Variants in NOTCH3 observed in about 807,000 individuals in gnomAD.
The protein encoded by NOTCH3 is neurogenic locus notch homolog protein 3.
A neutral mutation model predicts 213.3 loss-of-function variants in NOTCH3; 86 were observed. That is an observed-to-expected ratio of 0.40 (90% confidence interval 0.34 to 0.48). The LOEUF is 0.48. NOTCH3 is among the 20% of genes least tolerant of loss of function. The pLI, the probability that NOTCH3 is intolerant of heterozygous loss-of-function variation, is 0.57. For missense variants in NOTCH3, 2,783 were observed against 3,272.6 expected (o/e 0.85, Z 3.65); for synonymous variants, 1,354 against 1,355.9 (o/e 1.00, Z 0.03).
chr19:15,176,159 AT>A (rs34620350), intron 24 of NOTCH3, among the ~76,000 whole-genome samples: 9,858 of 120,012 alleles, frequency 0.082, 800 homozygotes, highest in African/African-American at 0.28. Flanking sequence ...AACAAAAGCA[AT>A]TTTTTTTTTT....
rs34518539 is a variant in NOTCH3, at chr19:15,184,037, CAAAAAAAAAAAAA to C, written c.2566+245_2566+257del. Among the ~76,000 whole-genome samples the C allele has an allele frequency of 2.9e-4, 8 of 27,634 alleles. No homozygotes were observed. In the East Asian group the frequency reaches 7.9e-3, roughly 27 times the overall value. 18.1% of individuals were successfully genotyped at this position (27,634 alleles called of 152,430 possible). ...CAGCGACAGAGCTAAGACTCTGTCT[CAAAAAAAAAAAAA>C]AAAAAAAAAAAAAAAGAGGCAGCAC... On this transcript the variant is annotated intron_variant, in intron 16 of 32. Transcript: ENST00000263388.
rs1284936711 is a variant in NOTCH3 at position 15,160,067 on chromosome 19, A to C, written c.*595T>G. On this transcript the variant is annotated 3_prime_UTR_variant, in exon 33 of 33. Transcript: ENST00000263388. Reference sequence around the variant, plus strand: ...CAACACTCCCCCGACCCCTGGCCCCAGTGGGTGCGCCCAAGGGTGCCTACT... The same window carrying C: ...CAACACTCCCCCGACCCCTGGCCCCCGTGGGTGCGCCCAAGGGTGCCTACT... 1 of 234,068 alleles carries C rather than the reference A, an allele frequency of 4.3e-6. No individual in the cohort carries two copies. 14.5% of individuals were successfully genotyped at this position (234,068 alleles called of 1,614,324 possible). A position where few individuals can be genotyped will look rare whatever the true frequency, so the allele number is the denominator to read the frequency against.
chr19:15,180,638 C>A (rs2145421266), intron 19 of NOTCH3, 43 bp downstream of exon 19: 1 of 1,540,536 alleles, frequency 6.5e-7, no homozygotes, highest in Non-Finnish European at 8.7e-7. Context: ...TGCATGAGCC[C>A]CTTCCCAAGG....
At chr19:15,180,575 T>A in intron 19 of NOTCH3, 106 bp downstream of exon 19, 4 of 1,331,596 alleles carry the variant, frequency 3.0e-6, no homozygotes, top group Non-Finnish European at 3.1e-6. Flanking sequence ...CACCCCATCA[T>A]GCCCCATAGG....
intron 1 of NOTCH3, among the ~76,000 whole-genome samples, 162 bp from the exon 2 acceptor site, chr19:15,197,740 C>A (rs920628502): frequency 6.5e-5 from 5 of 77,350 alleles, no homozygotes; most frequent in African/African-American, 1.3e-4. Context: ...CCACGCCCCC[C>A]CCCCCCCCGC....
At chr19:15,178,401 T>C (rs534227312) in intron 23 of NOTCH3, 4 of 430,042 alleles carry the variant, frequency 9.3e-6, no homozygotes, top group African/African-American at 8.0e-5. Flanking sequence ...TGTTTCTTTG[T>C]TTTTTGAGAC....
At chr19:15,171,889 ATTTG>A (rs1241990542) in intron 25 of NOTCH3, among the ~76,000 whole-genome samples, 1 of 150,060 alleles carries the variant, frequency 6.7e-6, no homozygotes. Context: ...AGGACATTGT[ATTTG>A]TTTGTTTGTT....
Position 15,181,151 on chromosome 19 carries a change from T to C in NOTCH3, c.2804A>G (p.Asn935Ser), listed in dbSNP as rs201147300. 167 of 1,611,230 alleles carry C rather than the reference T, an allele frequency of 1.0e-4. 2 individuals carry two copies. Among genetic ancestry groups the C allele is most frequent in the Non-Finnish European group, 5.6e-5 (66 of 1,179,310 alleles). ...CACGCCGTCCACACAGGTCCCGCCA[T>C]TGAAGCAGGAGCTGGAGCGGAAGGA... ...LPDCSPSSCF[N>S]GGTCVDGVNS... The change falls in exon 18 of 33, where the codon AAT becomes AGT. Residue 935 changes from asparagine (N) to serine (S), a missense_variant. This residue lies in a region of NOTCH3 where 861 missense variants were observed against 909.1 expected (regional missense o/e 0.95). Coordinates refer to ENST00000263388, the MANE Select transcript of NOTCH3 (RefSeq NM_000435.3).
intron 23 of NOTCH3, chr19:15,178,520 G>A: frequency 8.4e-6 from 4 of 477,008 alleles, no homozygotes; most frequent in South Asian, 8.3e-5. Flanking sequence ...GAGTAGCTGG[G>A]ATTACAGGCA....
chr19:15,191,970 G>A lies in NOTCH3; in HGVS notation c.669C>T (p.Ala223=). ...RQSGDLTYDC[A]CLPGFEGQNC... ...GTAGGGCTCACTCACCAGGAAGACA[G>A]GCACAGTCGTAAGTGAGGTCGCCAC... The change falls in exon 4 of 33, where the codon GCC becomes GCT. Residue 223 remains alanine (A), a synonymous_variant. Transcript: ENST00000263388. The A allele has an allele frequency of 1.2e-6, 2 of 1,613,482 alleles. No individual in the cohort carries two copies. The highest frequency in any genetic ancestry group is 1.7e-6 in the Non-Finnish European group (2 of 1,180,030).
intron 10 of NOTCH3, 52 bp downstream of exon 10, chr19:15,187,829 C>T (rs2046896088): frequency 2.8e-6 from 4 of 1,434,916 alleles, no homozygotes; most frequent in Non-Finnish European, 3.8e-6. Flanking sequence ...GGCCCTGTCG[C>T]CCACAAGCCC....
rs557113034 is a variant in NOTCH3 at position 15,174,076 on chromosome 19, C to G, written c.4728G>C (p.Glu1576Asp). ...EPRARRELAP[E>D]VIGSVVMLEI... is the part of the protein sequence containing the mutation. Reference sequence around the variant, plus strand: ...CAGGTGGGGTCACTCACCCGATCACCTCGGGGGCCAGCTCCCGACGGGCCC... The same window carrying G: ...CAGGTGGGGTCACTCACCCGATCACGTCGGGGGCCAGCTCCCGACGGGCCC... The change falls in exon 25 of 33, where the codon GAG (glutamate) becomes GAC (aspartate). Residue 1576 changes from glutamate to aspartate, a missense_variant. Transcript: ENST00000263388. The G allele has an allele frequency of 4.8e-5, 76 of 1,579,676 alleles. 1 individual carries two copies. In the African/African-American group the frequency reaches 5.7e-4, roughly 12 times the overall value.
chr19:15,160,826 C>T lies in NOTCH3; in HGVS notation c.6802G>A (p.Glu2268Lys), dbSNP rs996150018. ...PSPPSLSDWS[E>K]STPSPATATG... is the part of the protein sequence containing the mutation. ...GCAGTGGCTGGGCTAGGCGTGGATT[C>T]GGACCAGTCTGAGAGGGAGGGAGGT... Residue 2268 changes from glutamate (E) to lysine (K), a missense_variant, in exon 33 of 33, where the codon GAA (glutamate) becomes AAA (lysine). By Grantham distance (56) the Glu-to-Lys change is moderately conservative. Transcript: ENST00000263388. The T allele has an allele frequency of 1.9e-5, 30 of 1,613,854 alleles. No individual in the cohort carries two copies. Among genetic ancestry groups the T allele is most frequent in the African/African-American group, 5.3e-5 (4 of 74,956 alleles).
rs1385054154 is a variant in NOTCH3 at position 15,161,229 on chromosome 19, A to G, written c.6399T>C (p.Thr2133=). 1 of 1,546,680 alleles carries G rather than the reference A, an allele frequency of 6.5e-7. No individual in the cohort carries two copies. The highest frequency in any genetic ancestry group is 1.2e-5 in the South Asian group (1 of 84,328). Residue 2133 remains threonine (T), a synonymous_variant, in exon 33 of 33, where the codon ACT becomes ACC. Coordinates refer to ENST00000263388, the MANE Select transcript of NOTCH3 (RefSeq NM_000435.3). ...LEGPYAAATA[T]AVSLAQLGGP... is the part of the protein sequence containing the mutation. ...CACCAAGCTGTGCCAGAGACACTGCAGTGGCAGTGGCAGCTGCATAGGGCC... is the reference window on the plus strand; with the variant it reads ...CACCAAGCTGTGCCAGAGACACTGCGGTGGCAGTGGCAGCTGCATAGGGCC...
rs775463640 is a variant in NOTCH3 at position 15,189,018 on chromosome 19, A to C, written c.1349T>G (p.Ile450Arg). 1.1e-5 allele frequency: 17 copies of C among 1,612,148 alleles called. No individual in the cohort carries two copies. The highest frequency in any genetic ancestry group is 1.4e-5 in the Non-Finnish European group (16 of 1,179,626). Residue 450 changes from isoleucine to arginine, a missense_variant, in exon 8 of 33, where the codon ATA (isoleucine) becomes AGA (arginine). Ile to Arg is a moderately conservative substitution (Grantham distance 97, BLOSUM62 -3). Transcript: ENST00000263388. ...CRNQATCLDR[I>R]GQFTCICMAG... ...CATACAGATACAGGTGAACTGGCCT[A>C]TGCGGTCGAGGCACGTGGCCTGGTT...
intron 25 of NOTCH3, among the ~76,000 whole-genome samples, chr19:15,172,396 C>T (rs2046741827): frequency 6.6e-6 from 1 of 152,176 alleles, no homozygotes; most frequent in Non-Finnish European, 1.5e-5. Flanking sequence ...TTCCAGGTCC[C>T]TCAGACTCTG....
chr19:15,171,612 CTCAGCCTCCCAAT>C lies in NOTCH3; in HGVS notation c.4737-800_4737-788del, dbSNP rs529066661. Among the ~76,000 whole-genome samples, 296 of 152,342 alleles carry C rather than the reference CTCAGCCTCCCAAT, an allele frequency of 1.9e-3. 1 individual carries two copies. The highest frequency in any genetic ancestry group is 6.8e-3 in the African/African-American group (281 of 41,578). ...TCCGGGGCTCAAGCAATCCTCCCAC[CTCAGCCTCCCAAT>C]GTGCTGGGTTTACAGGCCTGGGCCA... On this transcript the variant is annotated intron_variant, in intron 25 of 32. Coordinates refer to ENST00000263388, the MANE Select transcript of NOTCH3 (RefSeq NM_000435.3).
At chr19:15,195,457 AC>A (rs1481044035) in intron 2 of NOTCH3, among the ~76,000 whole-genome samples, 3 of 129,530 alleles carry the variant, frequency 2.3e-5, no homozygotes, top group African/African-American at 5.8e-5. Context: ...GCCAACCCTC[AC>A]CCCCCTCTAT....
At chr19:15,172,309 A>G (rs758721527) in intron 25 of NOTCH3, among the ~76,000 whole-genome samples, 1 of 152,148 alleles carries the variant, frequency 6.6e-6, no homozygotes, top group African/African-American at 2.4e-5. Flanking sequence ...CATGGCTTCA[A>G]TGATCATCAA....
Sources: allele counts gnomAD v4.1 joint callset (sites outside exome capture counted in the v4.1 genomes callset), GRCh38; gene constraint gnomAD v4.1.1; regional missense constraint gnomAD v4.1.1; transcripts MANE v1.5; gene names NCBI Gene and HGNC (gene_info 2026-07-23, HGNC 2026-07-21).